NHS: variants seen among roughly 807,000 people sequenced by gnomAD.
NHS encodes the protein actin remodeling regulator NHS.
In NHS, 5 loss-of-function variants were observed where a neutral mutation model predicts 72.5. That is an observed-to-expected ratio of 0.07 (90% confidence interval 0.04 to 0.14). NHS has a LOEUF of 0.14. NHS is among the 10% of genes least tolerant of loss of function. The pLI, the probability that NHS is intolerant of heterozygous loss-of-function variation, is 1.00. For missense variants in NHS, 1,072 were observed against 1,355.7 expected (o/e 0.79, Z 3.29); for synonymous variants, 464 against 547.7 (o/e 0.85, Z 2.13).
At chrX:17,578,911 G>T (rs1281436219) in intron 1 of NHS, among the ~76,000 whole-genome samples, 3 of 111,491 alleles carry the variant, frequency 2.7e-5, no homozygotes, top group African/African-American at 6.5e-5. Flanking sequence ...GGAGTCAAAG[G>T]ATAATGCTCC....
At chrX:17,637,675 T>A (rs1054945784) in intron 1 of NHS, among the ~76,000 whole-genome samples, 4 of 111,944 alleles carry the variant, frequency 3.6e-5, no homozygotes, top group Non-Finnish European at 5.6e-5. Flanking sequence ...ATTATAAAAA[T>A]GTTACAGGTT....
intron 2 of NHS, among the ~76,000 whole-genome samples, chrX:17,690,574 T>G (rs974267036): frequency 8.9e-6 from 1 of 112,095 alleles, no homozygotes; most frequent in Non-Finnish European, 1.9e-5. Flanking sequence ...CCAACAAATT[T>G]TATTGAAGGC....
At position 17,375,945 on chromosome X, in the gene NHS, C is replaced by A; in HGVS notation, c.188C>A (p.Ala63Glu). ...GPEEPARAVP[A>E]PSGLPPPPPP... Reference sequence around the variant, plus strand: ...GAGGAGCCAGCCCGCGCCGTCCCTGCACCTTCAGGGCTGCCACCGCCGCCG... The same window carrying A: ...GAGGAGCCAGCCCGCGCCGTCCCTGAACCTTCAGGGCTGCCACCGCCGCCG... The change falls in exon 1 of 9, where the codon GCA (alanine) becomes GAA (glutamate). Residue 63 changes from alanine (A) to glutamate (E), a missense_variant. Transcript: ENST00000676302. 9.2e-7 allele frequency: 1 copy of A among 1,085,474 alleles called. No homozygotes were observed. Among genetic ancestry groups the A allele is most frequent in the South Asian group, 2.2e-5 (1 of 44,752 alleles). 89.5% of individuals were successfully genotyped at this position (1,085,474 alleles called of 1,213,427 possible).
At chrX:17,632,464 T>A in intron 1 of NHS, among the ~76,000 whole-genome samples, 1 of 110,379 alleles carries the variant, frequency 9.1e-6, no homozygotes, top group Non-Finnish European at 1.9e-5. Flanking sequence ...ATCCTAGCCA[T>A]TCTTCAAAGT....
At chrX:17,430,271 CTTTCTT>C (rs1197068724) in intron 1 of NHS, among the ~76,000 whole-genome samples, 4 of 56,477 alleles carry the variant, frequency 7.1e-5, no homozygotes, top group Non-Finnish European at 1.2e-4. Context: ...TTCTTTCTTT[CTTTCTT>C]TCTTTCTTTC....
chrX:17,454,226 C>T (rs1452462169), intron 1 of NHS, among the ~76,000 whole-genome samples: 1 of 111,739 alleles, frequency 8.9e-6, no homozygotes, highest in Admixed American at 9.5e-5. Context: ...CATTGGTTAA[C>T]CAGTCCTTTC....
intron 1 of NHS, among the ~76,000 whole-genome samples, chrX:17,476,261 G>A (rs2064917327): frequency 8.9e-6 from 1 of 111,782 alleles, no homozygotes; most frequent in Non-Finnish European, 1.9e-5. Context: ...ATTGGGGCTT[G>A]GGCAGAGCTA....
chrX:17,408,197 G>T (rs1459229358), intron 1 of NHS, among the ~76,000 whole-genome samples: 1 of 110,356 alleles, frequency 9.1e-6, no homozygotes, highest in Non-Finnish European at 1.9e-5. Context: ...GTAGAGATGG[G>T]GTTTTGCCAT....
At chrX:17,516,672 G>A (rs967718359) in intron 1 of NHS, among the ~76,000 whole-genome samples, 1 of 108,821 alleles carries the variant, frequency 9.2e-6, no homozygotes, top group African/African-American at 3.4e-5. Context: ...GTGTACAGGA[G>A]GGGAGAGATG....
At chrX:17,704,305 A>AT (rs1344439785) in intron 3 of NHS, among the ~76,000 whole-genome samples, 3 of 107,249 alleles carry the variant, frequency 2.8e-5, no homozygotes, top group Non-Finnish European at 5.8e-5. Flanking sequence ...TTAAAAAAAA[A>AT]TTTTTTTTTG....
chrX:17,729,994 A>G (rs2147146692), intron 8 of NHS, among the ~76,000 whole-genome samples: 1 of 112,328 alleles, frequency 8.9e-6, no homozygotes, highest in African/African-American at 3.2e-5. Flanking sequence ...CTGTTCAACA[A>G]TTGTTTTAAA....
rs370912158 is a variant in NHS at position 17,659,809 on chromosome X, GTTA to G, written c.566-27925_566-27923del. Among the ~76,000 whole-genome samples the G allele has an allele frequency of 4.3e-3, 482 of 111,852 alleles. 5 individuals are homozygous for G. The highest frequency in any genetic ancestry group is 0.015 in the African/African-American group (465 of 30,761). ...CTCACAATAAGCCTAGGAGGTAGAG[GTTA>G]TTATTATCCCCATTTTACAGATGAA... On this transcript the variant is annotated intron_variant, in intron 1 of 8. Coordinates refer to ENST00000676302, the MANE Select transcript of NHS (RefSeq NM_001291867.2).
intron 1 of NHS, among the ~76,000 whole-genome samples, chrX:17,561,466 A>C (rs1361844398): frequency 9.2e-6 from 1 of 108,759 alleles, no homozygotes; most frequent in Non-Finnish European, 1.9e-5. Flanking sequence ...TAGGGTTTTG[A>C]AGGGAGGAGG....
chrX:17,574,324 C>T (rs1053464774), intron 1 of NHS, among the ~76,000 whole-genome samples: 12 of 112,386 alleles, frequency 1.1e-4, no homozygotes, highest in South Asian at 3.7e-4. Context: ...TGCTGAGCTG[C>T]GGTGGGCTCT....
intron 1 of NHS, among the ~76,000 whole-genome samples, chrX:17,668,507 A>G (rs2066026119): frequency 1.8e-5 from 2 of 111,217 alleles, no homozygotes. Flanking sequence ...TCAAACATTC[A>G]AACAAGATCT....
chrX:17,436,244 G>A (rs1326854649), intron 1 of NHS, among the ~76,000 whole-genome samples: 4 of 111,425 alleles, frequency 3.6e-5, no homozygotes, highest in Non-Finnish European at 7.5e-5. Context: ...GACGTTTTGG[G>A]GGAAACACCC....
chrX:17,659,862 A>G (rs531651741), intron 1 of NHS, among the ~76,000 whole-genome samples: 1 of 112,004 alleles, frequency 8.9e-6, no homozygotes, highest in Admixed American at 9.5e-5. Context: ...GAGAGAATAA[A>G]TAACTTGCCC....
At position 17,726,130 on chromosome X, in the gene NHS, C is replaced by A; in HGVS notation, c.2024C>A (p.Ala675Asp). ...TTGTCACTAAACACAGCCCCTCATG[C>A]CAATGAGGATGCCAGTGTTTTCGTG... Reference protein sequence around the residue: ...SELSLNTAPHANEDASVFVTE... With the variant: ...SELSLNTAPHDNEDASVFVTE... The change falls in exon 7 of 9, where the codon GCC becomes GAC. Residue 675 changes from alanine to aspartate, a missense_variant. Coordinates refer to ENST00000676302, the MANE Select transcript of NHS (RefSeq NM_001291867.2). 2 of 1,211,920 alleles carry A rather than the reference C, an allele frequency of 1.7e-6. No individual in the cohort carries two copies. Among genetic ancestry groups the A allele is most frequent in the Non-Finnish European group, 2.2e-6 (2 of 895,505 alleles).
intron 1 of NHS, among the ~76,000 whole-genome samples, chrX:17,561,620 A>ACC (rs2065416675): frequency 1.1e-5 from 1 of 93,703 alleles, no homozygotes; most frequent in African/African-American, 3.7e-5. Flanking sequence ...ACACACACAC[A>ACC]TCATGCCTTC....
Sources: allele counts gnomAD v4.1 joint callset (sites outside exome capture counted in the v4.1 genomes callset), GRCh38; gene constraint gnomAD v4.1.1; transcripts MANE v1.5; gene names NCBI Gene and HGNC (gene_info 2026-07-23, HGNC 2026-07-21).